Variants in ACO1 observed in about 807,000 individuals in gnomAD.
ACO1 encodes aconitase 1.
ACO1 carries 78 observed loss-of-function variants against 105.1 expected under a neutral mutation model. The observed-to-expected ratio is 0.74, with a 90% confidence interval of 0.62 to 0.90. The LOEUF (loss-of-function observed/expected upper bound fraction) is 0.90, where lower values mean the gene tolerates loss of function less well. ACO1 is among the 40% of genes least tolerant of loss of function. The probability of loss-of-function intolerance (pLI) is 0.00; values close to 1 mark genes in which losing one functional copy is unlikely to be tolerated. For missense variants in ACO1, 965 were observed against 1,111.1 expected (o/e 0.87, Z 1.87); for synonymous variants, 364 against 397.4 (o/e 0.92, Z 1.00).
intron 1 of ACO1, 86 bp downstream of exon 1, chr9:32,384,821 C>T (rs905351548): frequency 3.8e-6 from 1 of 260,658 alleles, no homozygotes; most frequent in Non-Finnish European, 8.3e-6. Flanking sequence ...GGGCCTTTAC[C>T]GAGGTGCCCG....
chr9:32,446,979 G>T (rs1262693209), intron 19 of ACO1, among the ~76,000 whole-genome samples: 2 of 152,142 alleles, frequency 1.3e-5, no homozygotes, highest in African/African-American at 4.8e-5. Flanking sequence ...CCCTTTGTGG[G>T]TAACCCGACC....
At chr9:32,410,864 G>A (rs941919113) in intron 4 of ACO1, among the ~76,000 whole-genome samples, 1 of 152,160 alleles carries the variant, frequency 6.6e-6, no homozygotes, top group Non-Finnish European at 1.5e-5. Flanking sequence ...ACCTAGGTGA[G>A]CACAGTCAGG....
intron 4 of ACO1, among the ~76,000 whole-genome samples, chr9:32,416,134 G>A (rs894520089): frequency 1.2e-4 from 17 of 140,920 alleles, no homozygotes; most frequent in Admixed American, 8.8e-4. Flanking sequence ...TTGCTTTGTC[G>A]CCCAAGTTGG....
intron 1 of ACO1, among the ~76,000 whole-genome samples, chr9:32,400,163 G>A (rs1821463921): frequency 6.6e-6 from 1 of 151,706 alleles, no homozygotes; most frequent in African/African-American, 2.4e-5. Context: ...TAGAGATAGG[G>A]TTTCACCACC....
chr9:32,427,166 G>A lies in ACO1; in HGVS notation c.1349-135G>A. The A allele has an allele frequency of 3.6e-6, 4 of 1,107,852 alleles. No individual in the cohort carries two copies. In the South Asian group the frequency reaches 5.0e-5, roughly 14 times the overall value. 68.6% of individuals were successfully genotyped at this position (1,107,852 alleles called of 1,614,324 possible). ...TGTTTGGCAGCAGAAACAGCAGATA[G>A]CGCCAACATGAAGGGAGCGTGGTCA... On this transcript the variant is annotated intron_variant, in intron 11 of 20. Coordinates refer to ENST00000309951, the MANE Select transcript of ACO1 (RefSeq NM_002197.3).
rs979670036 is a variant in ACO1, at chr9:32,453,832, C to A, written c.*3721C>A. 1.3e-5 allele frequency: 2 copies of A among 152,048 alleles called. No homozygotes were observed. The highest frequency in any genetic ancestry group is 2.4e-5 in the African/African-American group (1 of 41,384). 9.4% of individuals were successfully genotyped at this position (152,048 alleles called of 1,614,324 possible). A position where few individuals can be genotyped will look rare whatever the true frequency, so the allele number is the denominator to read the frequency against. On this transcript the variant is annotated 3_prime_UTR_variant, in exon 21 of 21. Transcript: ENST00000309951. ...CATAAACACAAGTGGAATTTAACAC[C>A]CAGCCAGTTTGTGTTCAACCAGACA...
Position 32,451,181 on chromosome 9 carries a change from T to C in ACO1, c.*1070T>C, listed in dbSNP as rs546282439. The stretch of plus-strand genomic sequence containing the variant: ...ATGCCTTAGTTTGCTTGGGTTGCTA[T>C]AATGTAATGCCATAGACTGGCTGAA... On this transcript the variant is annotated 3_prime_UTR_variant, in exon 21 of 21. Transcript: ENST00000309951. 1 of 152,192 alleles carries C rather than the reference T, an allele frequency of 6.6e-6. No homozygotes were observed. Among genetic ancestry groups the C allele is most frequent in the Non-Finnish European group, 1.5e-5 (1 of 68,046 alleles). The allele number at this position is 152,192 out of a possible 1,614,324, so 9.4% of individuals were successfully genotyped here.
chr9:32,433,094 A>T (rs1822275170), intron 15 of ACO1, among the ~76,000 whole-genome samples: 1 of 152,210 alleles, frequency 6.6e-6, no homozygotes, highest in Admixed American at 6.5e-5. Context: ...GTCAGAAGGC[A>T]GGTCTCAATA....
intron 18 of ACO1, among the ~76,000 whole-genome samples, chr9:32,438,522 A>T (rs1237129643): frequency 6.6e-6 from 1 of 152,224 alleles, no homozygotes; most frequent in African/African-American, 2.4e-5. Flanking sequence ...CAGAGATTTT[A>T]AAATGGTAAA....
intron 1 of ACO1, among the ~76,000 whole-genome samples, chr9:32,385,999 T>C (rs886761613): frequency 2.0e-5 from 3 of 152,216 alleles, no homozygotes; most frequent in Non-Finnish European, 2.9e-5. Context: ...TTGGAAACCA[T>C]GTACTAGGTC....
At position 32,421,022 on chromosome 9, in the gene ACO1, A is replaced by C; in HGVS notation, c.965A>C (p.Gln322Pro). The change falls in exon 8 of 21, where the codon CAA becomes CCA. Residue 322 changes from glutamine to proline, a missense_variant. By Grantham distance (76) the Gln-to-Pro change is moderately conservative. Coordinates refer to ENST00000309951, the MANE Select transcript of ACO1 (RefSeq NM_002197.3). ...VDEVSITYLV[Q>P]TGRDEEKLKY... Reference sequence around the variant, plus strand: ...GAAGTTAGTATCACGTACCTGGTGCAAACAGGTAAGTGAAGGGCCCTGAAA... The same window carrying C: ...GAAGTTAGTATCACGTACCTGGTGCCAACAGGTAAGTGAAGGGCCCTGAAA... 1 of 1,613,904 alleles carries C rather than the reference A, an allele frequency of 6.2e-7. No individual in the cohort carries two copies. Among genetic ancestry groups the C allele is most frequent in the African/African-American group, 1.3e-5 (1 of 75,048 alleles).
chr9:32,386,194 A>C (rs967379656), intron 1 of ACO1, among the ~76,000 whole-genome samples: 2 of 152,244 alleles, frequency 1.3e-5, no homozygotes, highest in African/African-American at 4.8e-5. Context: ...CCAAGTGTGT[A>C]GGGGTTCCTG....
intron 1 of ACO1, among the ~76,000 whole-genome samples, chr9:32,400,079 T>C (rs1201821348): frequency 7.0e-6 from 1 of 142,706 alleles, no homozygotes; most frequent in African/African-American, 2.5e-5. Flanking sequence ...CAAATAATTC[T>C]CCTTCCTCAG....
chr9:32,394,762 C>T (rs1378147205), intron 1 of ACO1, among the ~76,000 whole-genome samples: 3 of 152,214 alleles, frequency 2.0e-5, no homozygotes, highest in African/African-American at 7.2e-5. Flanking sequence ...GCATCAGGTC[C>T]TCCTGACAGT....
chr9:32,449,372 G>A (rs1385657092), intron 20 of ACO1, among the ~76,000 whole-genome samples: 1 of 152,150 alleles, frequency 6.6e-6, no homozygotes, highest in African/African-American at 2.4e-5. Flanking sequence ...GCTCAGGGAT[G>A]TGACATTTCA....
intron 19 of ACO1, among the ~76,000 whole-genome samples, chr9:32,446,244 T>C (rs1052806360): frequency 6.6e-6 from 1 of 152,180 alleles, no homozygotes; most frequent in East Asian, 1.9e-4. Flanking sequence ...GGAGTCTAAG[T>C]CTCTTTGTAG....
chr9:32,450,133 G>A lies in ACO1; in HGVS notation c.*22G>A, dbSNP rs368732059. 161 of 1,586,874 alleles carry A rather than the reference G, an allele frequency of 1.0e-4. No homozygotes were observed. The highest frequency in any genetic ancestry group is 2.0e-4 in the Middle Eastern group (1 of 4,934). On this transcript the variant is annotated 3_prime_UTR_variant, in exon 21 of 21. Transcript: ENST00000309951. Reference sequence around the variant, plus strand: ...GTAGGAGACGTGCACTTGGTGCTGCGCCCAGGGAGGAAGCCGCACCACCAG... The same window carrying A: ...GTAGGAGACGTGCACTTGGTGCTGCACCCAGGGAGGAAGCCGCACCACCAG...
chr9:32,424,641 C>G lies in ACO1; in HGVS notation c.1164C>G (p.Asp388Glu). Residue 388 changes from aspartate (D) to glutamate (E), a missense_variant, in exon 10 of 21, where the codon GAC becomes GAG. Transcript: ENST00000309951. The stretch of plus-strand genomic sequence containing the variant: ...TTGCTGTGTCCGACATGAAAAAGGA[C>G]TTTGAGAGCTGCCTTGGAGCCAAGG... ...DKVAVSDMKK[D>E]FESCLGAKQG... 6.2e-7 allele frequency: 1 copy of G among 1,613,982 alleles called. No individual in the cohort carries two copies. The highest frequency in any genetic ancestry group is 8.5e-7 in the Non-Finnish European group (1 of 1,179,962).
chr9:32,410,399 A>T (rs1821712871), intron 4 of ACO1, among the ~76,000 whole-genome samples: 2 of 151,964 alleles, frequency 1.3e-5, no homozygotes. Flanking sequence ...TCTACTAAAA[A>T]TACAAAAAAA....
Sources: gnomAD v4.1 joint callset for allele counts (sites outside exome capture counted in the v4.1 genomes callset) on GRCh38, gnomAD v4.1.1 for gene constraint, MANE v1.5 for transcripts, NCBI Gene and HGNC (gene_info 2026-07-23, HGNC 2026-07-21) for gene names.